PTPRD: variants seen among roughly 807,000 people sequenced by gnomAD.
PTPRD encodes the protein protein tyrosine phosphatase receptor type D, also known as receptor-type tyrosine-protein phosphatase delta.
Under a neutral mutation model 214.5 loss-of-function variants are expected in PTPRD, and 34 were observed. The observed-to-expected ratio is 0.16, with a 90% confidence interval of 0.12 to 0.21. PTPRD has a LOEUF of 0.21. PTPRD is among the 10% of genes least tolerant of loss of function. The probability of loss-of-function intolerance (pLI) is 1.00; values close to 1 mark genes in which losing one functional copy is unlikely to be tolerated. For synonymous variants in PTPRD, 1,128 were observed against 845.7 expected (o/e 1.33, Z -5.79); for missense variants, 2,545 against 2,398.7 (o/e 1.06, Z -1.27).
At chr9:10,380,978 A>C (rs139557450) in intron 2 of PTPRD, among the ~76,000 whole-genome samples, 121 of 152,108 alleles carry the variant, frequency 8.0e-4, no homozygotes, top group Non-Finnish European at 1.6e-3. Context: ...GAGAATTGAC[A>C]TATGGTAGTG....
Position 9,208,999 on chromosome 9 carries a change from A to G in PTPRD, c.-202-25636T>C, listed in dbSNP as rs373567509. ...ATTTTTTTGTGCTTTTAGTAGAGAC[A>G]GGGTTTCACCATGTTTGCCAGGATG... On this transcript the variant is annotated intron_variant, in intron 9 of 45. Coordinates refer to ENST00000381196, the MANE Select transcript of PTPRD (RefSeq NM_002839.4). 7.1e-3 allele frequency among the ~76,000 whole-genome samples: 1,085 copies of G among 151,852 alleles called. 9 individuals carry two copies. Among genetic ancestry groups the G allele is most frequent in the Middle Eastern group, 0.014 (4 of 294 alleles).
intron 11 of PTPRD, among the ~76,000 whole-genome samples, chr9:8,810,380 C>G (rs938573676): frequency 6.6e-6 from 1 of 152,174 alleles, no homozygotes; most frequent in Non-Finnish European, 1.5e-5. Flanking sequence ...TCTTCCTCTT[C>G]CTTTGAAAGC....
At chr9:10,389,309 T>C (rs1015416861) in intron 2 of PTPRD, among the ~76,000 whole-genome samples, 1 of 151,858 alleles carries the variant, frequency 6.6e-6, no homozygotes, top group Non-Finnish European at 1.5e-5. Context: ...AGTGTGAGAA[T>C]TACTCCCTAG....
intron 3 of PTPRD, among the ~76,000 whole-genome samples, chr9:10,278,880 T>C (rs1156671556): frequency 2.0e-5 from 3 of 152,086 alleles, no homozygotes; most frequent in Non-Finnish European, 4.4e-5. Context: ...GTTCAAGCCA[T>C]TCTCCTGCCT....
At chr9:8,758,178 T>A (rs1263819056) in intron 11 of PTPRD, among the ~76,000 whole-genome samples, 1 of 152,198 alleles carries the variant, frequency 6.6e-6, no homozygotes, top group Non-Finnish European at 1.5e-5. Flanking sequence ...TCCATTATCA[T>A]TAAAAACAAA....
intron 2 of PTPRD, among the ~76,000 whole-genome samples, chr9:10,455,883 G>A (rs180881115): frequency 4.0e-4 from 61 of 151,370 alleles, no homozygotes; most frequent in African/African-American, 1.2e-3. Context: ...TTTTTGCTTT[G>A]ACTGCTAGGA....
At chr9:9,563,316 G>A (rs1447821511) in intron 8 of PTPRD, among the ~76,000 whole-genome samples, 1 of 152,118 alleles carries the variant, frequency 6.6e-6, no homozygotes, top group African/African-American at 2.4e-5. Flanking sequence ...CTTATGGATA[G>A]ACTATTATAA....
At chr9:9,119,771 G>C (rs1381626333) in intron 10 of PTPRD, among the ~76,000 whole-genome samples, 1 of 151,602 alleles carries the variant, frequency 6.6e-6, no homozygotes, top group Non-Finnish European at 1.5e-5. Context: ...TGATCCACTG[G>C]CCTCAGCCTC....
chr9:10,452,382 T>G (rs1471108103), intron 2 of PTPRD, among the ~76,000 whole-genome samples: 1 of 151,864 alleles, frequency 6.6e-6, no homozygotes, highest in East Asian at 1.9e-4. Flanking sequence ...ATTTTTATTT[T>G]TTTTTGAAGA....
intron 6 of PTPRD, among the ~76,000 whole-genome samples, chr9:9,760,252 C>T (rs973120451): frequency 6.6e-6 from 1 of 152,028 alleles, no homozygotes; most frequent in Non-Finnish European, 1.5e-5. Context: ...AACATTCATA[C>T]ATCTTACTGA....
chr9:10,026,613 C>A (rs1290022874), intron 4 of PTPRD, among the ~76,000 whole-genome samples: 3 of 152,144 alleles, frequency 2.0e-5, no homozygotes, highest in Non-Finnish European at 4.4e-5. Flanking sequence ...CAATAATACA[C>A]CTGCCATCAC....
chr9:9,876,733 T>C (rs1254371486), intron 5 of PTPRD, among the ~76,000 whole-genome samples: 3 of 152,020 alleles, frequency 2.0e-5, no homozygotes, highest in Admixed American at 2.0e-4. Flanking sequence ...TATGTCAGAA[T>C]CATGCAACAT....
intron 12 of PTPRD, among the ~76,000 whole-genome samples, chr9:8,638,840 ATTTTT>A (rs890365901): frequency 1.4e-4 from 22 of 151,944 alleles, no homozygotes; most frequent in Admixed American, 3.3e-4. Flanking sequence ...TTTTTTATTT[ATTTTT>A]ATTTATTTAT....
chr9:10,496,714 G>A (rs548185406), intron 2 of PTPRD, among the ~76,000 whole-genome samples: 26 of 152,072 alleles, frequency 1.7e-4, no homozygotes, highest in Middle Eastern at 3.4e-3. Flanking sequence ...TAGTGATGTT[G>A]AGCATTTTTG....
At position 8,764,650 on chromosome 9, in the gene PTPRD, C is replaced by T. The variant is rs144461555; in HGVS notation, c.-103-30704G>A. On this transcript the variant is annotated intron_variant, in intron 11 of 45. Coordinates refer to ENST00000381196, the MANE Select transcript of PTPRD (RefSeq NM_002839.4). The stretch of plus-strand genomic sequence containing the variant: ...ATCTCTACTAAAATACGAAAATTAA[C>T]CGGGTATAGTGGTGCGTGCCTGTAA... Among the ~76,000 whole-genome samples the T allele has an allele frequency of 4.9e-3, 747 of 151,874 alleles. 2 individuals are homozygous for T. The highest frequency in any genetic ancestry group is 8.7e-3 in the Non-Finnish European group (588 of 67,956).
chr9:9,145,165 A>T (rs1477681688), intron 10 of PTPRD, among the ~76,000 whole-genome samples: 1 of 152,194 alleles, frequency 6.6e-6, no homozygotes, highest in Non-Finnish European at 1.5e-5. Context: ...GCTAGGCAGC[A>T]AAATCTATCT....
chr9:9,680,107 G>C (rs979324039), intron 7 of PTPRD, among the ~76,000 whole-genome samples: 5 of 151,740 alleles, frequency 3.3e-5, no homozygotes, highest in Admixed American at 2.0e-4. Context: ...ACTTACTCTT[G>C]ACAGTTATAT....
rs548242559 is a variant in PTPRD, at chr9:10,398,561, G to C, written c.-599-57544C>G. Among the ~76,000 whole-genome samples, 33 of 152,000 alleles carry C rather than the reference G, an allele frequency of 2.2e-4. No individual in the cohort carries two copies. In the South Asian group the frequency reaches 6.6e-3, roughly 31 times the overall value. ...CTTTATAAGAACCTACTATGTGCTAGATATGGACCCTGGCACTATAGATAT... is the reference window on the plus strand; with the variant it reads ...CTTTATAAGAACCTACTATGTGCTACATATGGACCCTGGCACTATAGATAT... On this transcript the variant is annotated intron_variant, in intron 2 of 45. Transcript: ENST00000381196.
intron 9 of PTPRD, among the ~76,000 whole-genome samples, chr9:9,334,693 C>G (rs1001030654): frequency 3.3e-5 from 5 of 151,940 alleles, no homozygotes; most frequent in African/African-American, 1.2e-4. Flanking sequence ...ATTCAAATCA[C>G]TGACCACATT....
Sources: gnomAD v4.1 joint callset for allele counts (sites outside exome capture counted in the v4.1 genomes callset) on GRCh38, gnomAD v4.1.1 for gene constraint, MANE v1.5 for transcripts, NCBI Gene and HGNC (gene_info 2026-07-23, HGNC 2026-07-21) for gene names.